The following RBM41 variants were observed in gnomAD, a reference collection of about 807,000 sequenced individuals.
RBM41 encodes RNA-binding protein 41.
In RBM41, 14 loss-of-function variants were observed where a neutral mutation model predicts 30.8. That is an observed-to-expected ratio of 0.45 (90% CI 0.30 to 0.71). RBM41 has a LOEUF of 0.71. Ranked by LOEUF, RBM41 falls within the 30% of genes least tolerant of loss-of-function variation. RBM41 has a pLI of 0.08. For synonymous variants in RBM41, 120 were observed against 110.1 expected, an observed-to-expected ratio of 1.09 and a Z score of -0.56; for missense variants, 276 against 326.3, an observed-to-expected ratio of 0.85 and a Z score of 1.19.
At chrX:107,087,668 T>C (rs1473736966) in intron 6 of RBM41, among the ~76,000 whole-genome samples, 1 of 112,591 alleles carries the variant, frequency 8.9e-6, no homozygotes, top group African/African-American at 3.2e-5. Context: ...TGCAGTGGCA[T>C]GATCTCGGCT....
intron 5 of RBM41, among the ~76,000 whole-genome samples, chrX:107,107,182 G>A (rs1202588817): frequency 9.0e-6 from 1 of 111,023 alleles, no homozygotes; most frequent in Non-Finnish European, 1.9e-5. Flanking sequence ...AAAGAAAGAA[G>A]GAATACTGGG....
chrX:107,054,968 C>G, the RBM41 span, among the ~76,000 whole-genome samples: 2 of 112,163 alleles, frequency 1.8e-5, no homozygotes, highest in African/African-American at 6.5e-5. Flanking sequence ...GCCAGCATGC[C>G]AAAATGAAAC....
At chrX:107,079,659 A>G (rs1047931572) in intron 6 of RBM41, among the ~76,000 whole-genome samples, 4 of 111,831 alleles carry the variant, frequency 3.6e-5, no homozygotes, top group Non-Finnish European at 7.5e-5. Context: ...GCATACATTA[A>G]GTGTCACTCT....
chrX:107,073,918 T>C (rs1040396283), intron 6 of RBM41, among the ~76,000 whole-genome samples: 1 of 111,256 alleles, frequency 9.0e-6, no homozygotes, highest in Admixed American at 9.6e-5. Context: ...CTAAAAAGAA[T>C]TGATTTCATA....
At chrX:107,111,822 T>C (rs1924507474) in intron 5 of RBM41, among the ~76,000 whole-genome samples, 1 of 111,349 alleles carries the variant, frequency 9.0e-6, no homozygotes, top group Non-Finnish European at 1.9e-5. Context: ...CTGAGAGTAG[T>C]CAAATTCATA....
Position 107,062,966 on chromosome X carries a change from AT to A in RBM41, c.*4560del, listed in dbSNP as rs1935693865. Among the ~76,000 whole-genome samples, 1 of 111,878 alleles carries A rather than the reference AT, an allele frequency of 8.9e-6. No individual in the cohort carries two copies. The highest frequency in any genetic ancestry group is 3.7e-4 in the South Asian group (1 of 2,694). Reference sequence around the variant, plus strand: ...TTCACTATTTTAATGGCTGCATAGTATTGTACTAAATAGATGTACCATAAGT... The same window carrying A: ...TTCACTATTTTAATGGCTGCATAGTATGTACTAAATAGATGTACCATAAGT... On this transcript the variant is annotated 3_prime_UTR_variant, in exon 8 of 8. Transcript: ENST00000685964.
downstream of RBM41, among the ~76,000 whole-genome samples, chrX:107,059,827 C>T (rs992438353): frequency 2.7e-5 from 3 of 111,858 alleles, no homozygotes; most frequent in African/African-American, 9.8e-5. Flanking sequence ...GTCTATTTTC[C>T]GTACCCTTAG....
At chrX:107,082,827 C>G (rs1602567898) in intron 6 of RBM41, among the ~76,000 whole-genome samples, 1 of 111,040 alleles carries the variant, frequency 9.0e-6, no homozygotes, top group East Asian at 2.8e-4. Context: ...TATATATACA[C>G]TAATTCCTGC....
In RBM41 at chrX:107,067,124, CT is replaced by C. The variant is rs1935870558; in HGVS notation, c.*402del. The C allele has an allele frequency of 1.3e-6, 1 of 747,466 alleles. No homozygotes were observed. Among genetic ancestry groups the C allele is most frequent in the South Asian group, 6.9e-5 (1 of 14,459 alleles). 61.6% of individuals were successfully genotyped at this position (747,466 alleles called of 1,213,427 possible). On this transcript the variant is annotated 3_prime_UTR_variant, in exon 8 of 8. Transcript: ENST00000685964. ...GTGGATGAAATATGGCAAATGGGCT[CT>C]AGTAAAGAAATATTTCAACATTTAA...
rs763474454 is a variant in RBM41, at chrX:107,065,758, C to T, written c.*1769G>A. ...TTTTGCTTCCACTCAGCTTCTTCAA[C>T]CTGTTATCGGCAAATATATTATATT... is the stretch of plus-strand genomic sequence containing the variant. On this transcript the variant is annotated 3_prime_UTR_variant, in exon 8 of 8. Coordinates refer to ENST00000685964, the MANE Select transcript of RBM41 (RefSeq NM_001324242.2). 5.2e-6 allele frequency: 6 copies of T among 1,153,890 alleles called. No homozygotes were observed. Among genetic ancestry groups the T allele is most frequent in the Non-Finnish European group, 6.9e-6 (6 of 866,690 alleles).
At chrX:107,104,028 C>T (rs1028292524) in intron 5 of RBM41, among the ~76,000 whole-genome samples, 3 of 110,322 alleles carry the variant, frequency 2.7e-5, no homozygotes, top group African/African-American at 9.9e-5. Flanking sequence ...GTAATATGTA[C>T]ACCTTGGAAA....
intron 6 of RBM41, among the ~76,000 whole-genome samples, chrX:107,078,267 C>T (rs1036913274): frequency 2.4e-4 from 27 of 111,473 alleles, no homozygotes; most frequent in Non-Finnish European, 4.0e-4. Flanking sequence ...CTTTCTCTTC[C>T]TGTACTCTTT....
rs1480523593 is a variant in RBM41, at chrX:107,064,023, C to T, written c.*3504G>A. ...CTGGAGTGCAGTGGTGCAATCTTGG[C>T]TCACTGCAAGCTCTGCCTCCCAGGT... On this transcript the variant is annotated 3_prime_UTR_variant, in exon 8 of 8. Coordinates refer to ENST00000685964, the MANE Select transcript of RBM41 (RefSeq NM_001324242.2). Among the ~76,000 whole-genome samples, 1 of 103,709 alleles carries T rather than the reference C, an allele frequency of 9.6e-6. No individual in the cohort carries two copies. The highest frequency in any genetic ancestry group is 3.6e-5 in the African/African-American group (1 of 28,092). The allele number at this position is 103,709 out of a possible 115,157, so 90.1% of individuals were successfully genotyped here. A position where few individuals can be genotyped will look rare whatever the true frequency, so the allele number is the denominator to read the frequency against.
rs192279672 is a variant in RBM41 at position 107,084,017 on chromosome X, G to T, written c.999+4419C>A. On this transcript the variant is annotated intron_variant, in intron 6 of 7. Coordinates refer to ENST00000685964, the MANE Select transcript of RBM41 (RefSeq NM_001324242.2). ...AATCCAAAGAGACCATTAGTATGAG[G>T]TTTTATGTTAATCTGGCCAGGAGTT... is the stretch of plus-strand genomic sequence containing the variant. Among the ~76,000 whole-genome samples the T allele has an allele frequency of 9.4e-3, 985 of 105,260 alleles. 14 individuals are homozygous for T. Among genetic ancestry groups the T allele is most frequent in the African/African-American group, 0.032 (929 of 28,686 alleles). The allele number at this position is 105,260 out of a possible 115,157, so 91.4% of individuals were successfully genotyped here. A position where few individuals can be genotyped will look rare whatever the true frequency, so the allele number is the denominator to read the frequency against.
intron 5 of RBM41, among the ~76,000 whole-genome samples, chrX:107,094,932 A>C (rs1159110276): frequency 9.0e-6 from 1 of 111,121 alleles, no homozygotes; most frequent in East Asian, 2.8e-4. Flanking sequence ...TGTTTAAGCC[A>C]CTAAATATAC....
intron 6 of RBM41, among the ~76,000 whole-genome samples, chrX:107,082,139 G>T (rs779838570): frequency 8.1e-5 from 9 of 111,638 alleles, no homozygotes; most frequent in African/African-American, 2.9e-4. Flanking sequence ...TATAATGTTA[G>T]CTGTAGGGTG....
chrX:107,092,331 TAAAAC>T (rs1922613571), intron 5 of RBM41, among the ~76,000 whole-genome samples: 1 of 108,068 alleles, frequency 9.3e-6, no homozygotes, highest in African/African-American at 3.3e-5. Context: ...TCAGAGAACT[TAAAAC>T]TAAAATACAT....
the RBM41 span, among the ~76,000 whole-genome samples, chrX:107,054,873 A>C: frequency 1.8e-5 from 2 of 112,021 alleles, no homozygotes; most frequent in Non-Finnish European, 3.8e-5. Context: ...AACCATCTAG[A>C]CAATTTTAAA....
downstream of RBM41, among the ~76,000 whole-genome samples, chrX:107,059,381 G>C (rs1006688357): frequency 9.0e-6 from 1 of 110,946 alleles, no homozygotes; most frequent in Non-Finnish European, 1.9e-5. Flanking sequence ...AGGATAAATA[G>C]CTAATGCATG....
Sources: allele counts gnomAD v4.1 joint callset (sites outside exome capture counted in the v4.1 genomes callset), GRCh38; gene constraint gnomAD v4.1.1; transcripts MANE v1.5; gene names NCBI Gene and HGNC (gene_info 2026-07-23, HGNC 2026-07-21).